TEKT5: variants seen among roughly 807,000 people sequenced by gnomAD.
TEKT5 encodes tektin-5.
TEKT5 carries 52 observed loss-of-function variants against 48.7 expected under a neutral mutation model. That is an observed-to-expected ratio of 1.07 (90% CI 0.86 to 1.35). The LOEUF is 1.35. TEKT5 is among the 40% of genes most tolerant of loss of function. The pLI is 0.00. For missense variants in TEKT5, 831 were observed against 641.6 expected (o/e 1.30, Z -3.19); for synonymous variants, 318 against 267.6 (o/e 1.19, Z -1.84).
chr16:10,682,147 G>A lies in TEKT5; in HGVS notation c.720-11C>T, dbSNP rs371610942. ...GCATCCCGGTTATCCCTGCAGGGAGGGAGGAGTCATTCCTGGACTATGCAC... is the reference window on the plus strand; with the variant it reads ...GCATCCCGGTTATCCCTGCAGGGAGAGAGGAGTCATTCCTGGACTATGCAC... On this transcript the variant is annotated splice_polypyrimidine_tract_variant and intron_variant, in intron 3 of 6. Transcript: ENST00000283025. The A allele has an allele frequency of 6.2e-7, 1 of 1,613,600 alleles. No individual in the cohort carries two copies. The highest frequency in any genetic ancestry group is 8.5e-7 in the Non-Finnish European group (1 of 1,179,710).
intron 5 of TEKT5, among the ~76,000 whole-genome samples, chr16:10,670,543 T>C (rs1379288017): frequency 6.6e-6 from 1 of 152,154 alleles, no homozygotes; most frequent in Admixed American, 6.6e-5. Context: ...GCATTTCAAA[T>C]CCTCTAGCCA....
chr16:10,636,003 G>C, intron 5 of TEKT5, 85 bp from the exon 6 acceptor site: 1 of 1,559,350 alleles, frequency 6.4e-7, no homozygotes, highest in East Asian at 2.3e-5. Context: ...AAGTCAGCTA[G>C]GTCAGCCTCC....
chr16:10,693,640 T>C (rs1899020675), intron 1 of TEKT5, among the ~76,000 whole-genome samples: 1 of 152,232 alleles, frequency 6.6e-6, no homozygotes, highest in African/African-American at 2.4e-5. Flanking sequence ...TATTCTAATA[T>C]TCAATCAAGT....
Position 10,654,231 on chromosome 16 carries a change from C to A in TEKT5, c.1087-18313G>T, listed in dbSNP as rs923991697. On this transcript the variant is annotated intron_variant, in intron 5 of 6. Coordinates refer to ENST00000283025, the MANE Select transcript of TEKT5 (RefSeq NM_144674.2). Reference sequence around the variant, plus strand: ...ACATCCAGCTAATTTTTGTGTTTTTCACAGAGATGAGGTTTTCCCGCGTTG... The same window carrying A: ...ACATCCAGCTAATTTTTGTGTTTTTAACAGAGATGAGGTTTTCCCGCGTTG... 9.2e-5 allele frequency among the ~76,000 whole-genome samples: 14 copies of A among 152,224 alleles called. No individual in the cohort carries two copies. The East Asian group carries it at 1.2e-3, about 13-fold the overall frequency.
At chr16:10,640,112 T>TCTTCCTCCCCCCCC (rs1897973156) in intron 5 of TEKT5, among the ~76,000 whole-genome samples, 1 of 73,892 alleles carries the variant, frequency 1.4e-5, no homozygotes, top group Non-Finnish European at 2.4e-5. Context: ...CCTCCTCCCG[T>TCTTCCTCCCCCCCC]CTTCCTCCTC....
chr16:10,686,749 C>T (rs768731615), intron 3 of TEKT5, among the ~76,000 whole-genome samples: 5 of 152,150 alleles, frequency 3.3e-5, no homozygotes, highest in Non-Finnish European at 5.9e-5. Context: ...ACTCAGACAA[C>T]TCAATAGCAA....
intron 4 of TEKT5, among the ~76,000 whole-genome samples, chr16:10,679,846 G>A (rs1224947338): frequency 3.3e-5 from 5 of 151,792 alleles, no homozygotes; most frequent in Middle Eastern, 3.2e-3. Flanking sequence ...GTGGTGAGCC[G>A]AGATCGCACC....
intron 5 of TEKT5, among the ~76,000 whole-genome samples, chr16:10,649,403 A>G (rs748028238): frequency 6.6e-6 from 1 of 150,580 alleles, no homozygotes; most frequent in Non-Finnish European, 1.5e-5. Flanking sequence ...GAACCAATGC[A>G]CTCCGCTGTG....
Position 10,633,315 on chromosome 16 carries a change from C to T in TEKT5, c.1241+2449G>A, listed in dbSNP as rs536799985. On this transcript the variant is annotated intron_variant, in intron 6 of 6. Coordinates refer to ENST00000283025, the MANE Select transcript of TEKT5 (RefSeq NM_144674.2). ...GGTGGAGGTTGCAGTGAGCCAAGAT[C>T]GTGCCACTGCACTCCAGCCTGGGCA... Among the ~76,000 whole-genome samples the T allele has an allele frequency of 9.9e-4, 150 of 152,116 alleles. 1 individual carries two copies. The highest frequency in any genetic ancestry group is 3.4e-3 in the Middle Eastern group (1 of 294).
At chr16:10,655,126 A>G (rs2142279888) in intron 5 of TEKT5, among the ~76,000 whole-genome samples, 1 of 152,264 alleles carries the variant, frequency 6.6e-6, no homozygotes, top group South Asian at 2.1e-4. Flanking sequence ...TCCTAAAAAA[A>G]CAATTGAGGA....
intron 5 of TEKT5, among the ~76,000 whole-genome samples, chr16:10,660,196 C>G (rs1898340525): frequency 6.6e-6 from 1 of 152,090 alleles, no homozygotes; most frequent in South Asian, 2.1e-4. Context: ...TCCCTCAACC[C>G]ACTTATTCCA....
chr16:10,674,118 C>T (rs575744825), intron 5 of TEKT5, among the ~76,000 whole-genome samples: 1 of 152,256 alleles, frequency 6.6e-6, no homozygotes, highest in South Asian at 2.1e-4. Context: ...CCAGACCCAC[C>T]TGCCCCTTCC....
intron 5 of TEKT5, among the ~76,000 whole-genome samples, chr16:10,637,175 G>A (rs888749372): frequency 7.3e-5 from 11 of 151,568 alleles, no homozygotes; most frequent in Admixed American, 2.0e-4. Context: ...TAGTAGAGAC[G>A]GGGTTTCACC....
intron 4 of TEKT5, among the ~76,000 whole-genome samples, chr16:10,680,620 C>T (rs150970073): frequency 0.025 from 3,868 of 151,730 alleles, 61 homozygotes; most frequent in African/African-American, 0.033. Flanking sequence ...AAATGTCCAA[C>T]GATGATAGAC....
chr16:10,635,855 T>A lies in TEKT5; in HGVS notation c.1150A>T (p.Lys384Ter). The change falls in exon 6 of 7, where the codon AAG becomes TAG. Residue 384 changes from lysine to a stop codon, truncating the protein, a stop_gained. Coordinates refer to ENST00000283025, the MANE Select transcript of TEKT5 (RefSeq NM_144674.2). LOFTEE classifies it high-confidence loss of function. Reference protein sequence around the residue: ...IMLLERSIMAKEGPLKVAQTR... With the variant: ...IMLLERSIMA Reference sequence around the variant, plus strand: ...TGGGCCACCTTCAGCGGGCCCTCCTTGGCCATGATGGACCTTTCCAGCAGC... The same window carrying A: ...TGGGCCACCTTCAGCGGGCCCTCCTAGGCCATGATGGACCTTTCCAGCAGC... The A allele has an allele frequency of 6.2e-7, 1 of 1,614,130 alleles. No homozygotes were observed. The highest frequency in any genetic ancestry group is 8.5e-7 in the Non-Finnish European group (1 of 1,180,026).
chr16:10,663,003 T>G (rs1051031967), intron 5 of TEKT5, among the ~76,000 whole-genome samples: 18 of 152,134 alleles, frequency 1.2e-4, no homozygotes, highest in African/African-American at 4.3e-4. Context: ...TCTCACCCCC[T>G]GCAGAGGAGA....
At chr16:10,648,998 G>A (rs952626658) in intron 5 of TEKT5, among the ~76,000 whole-genome samples, 2 of 152,140 alleles carry the variant, frequency 1.3e-5, no homozygotes, top group African/African-American at 4.8e-5. Context: ...TGCCCAGGCT[G>A]GAGTGCAATG....
chr16:10,669,082 A>T (rs2719693), intron 5 of TEKT5, among the ~76,000 whole-genome samples: 1 of 151,994 alleles, frequency 6.6e-6, no homozygotes, highest in Non-Finnish European at 1.5e-5. Context: ...ATATTTTTTG[A>T]ACTCTGTGAG....
At chr16:10,679,897 C>CAAATAAAT (rs56032112) in intron 4 of TEKT5, among the ~76,000 whole-genome samples, 43 of 150,424 alleles carry the variant, frequency 2.9e-4, no homozygotes, top group Admixed American at 1.1e-3. Flanking sequence ...AACTCGGTCT[C>CAAATAAAT]AAATAAATAA....
Sources: gnomAD v4.1 joint callset for allele counts (sites outside exome capture counted in the v4.1 genomes callset) on GRCh38, gnomAD v4.1.1 for gene constraint, MANE v1.5 for transcripts, NCBI Gene and HGNC (gene_info 2026-07-23, HGNC 2026-07-21) for gene names.